SLC25A12: variants seen among roughly 807,000 people sequenced by gnomAD.
SLC25A12 encodes solute carrier family 25 member 12.
Under a neutral mutation model 83.3 loss-of-function variants are expected in SLC25A12, and 32 were observed. The ratio of observed to expected loss-of-function variants is 0.38; its 90% CI spans 0.29 to 0.52. The LOEUF is 0.52. Among genes scored for constraint, SLC25A12 ranks in the 20% least tolerant of loss-of-function variants. The pLI, the probability that SLC25A12 is intolerant of heterozygous loss-of-function variation, is 0.84. For missense variants in SLC25A12, 611 were observed against 835.6 expected, an observed-to-expected ratio of 0.73 and a Z score of 3.31; for synonymous variants, 267 against 291.1, an observed-to-expected ratio of 0.92 and a Z score of 0.84.
At chr2:171,794,212 C>T (rs1255055177) in intron 13 of SLC25A12, among the ~76,000 whole-genome samples, 1 of 152,112 alleles carries the variant, frequency 6.6e-6, no homozygotes, top group Non-Finnish European at 1.5e-5. Flanking sequence ...TTGTGGTAAG[C>T]GTTCTTGGCA....
chr2:171,874,603 A>C (rs1685526192), intron 2 of SLC25A12, among the ~76,000 whole-genome samples: 1 of 152,164 alleles, frequency 6.6e-6, no homozygotes, highest in Admixed American at 6.5e-5. Flanking sequence ...CTAATATCTG[A>C]ATTTGACCTC....
At chr2:171,819,370 A>T (rs1160685569) in intron 9 of SLC25A12, among the ~76,000 whole-genome samples, 4 of 59,516 alleles carry the variant, frequency 6.7e-5, no homozygotes, top group African/African-American at 1.9e-4. Context: ...TATTATATAT[A>T]ATATATTATA....
chr2:171,818,663 T>C (rs566149644), intron 9 of SLC25A12, among the ~76,000 whole-genome samples: 4 of 151,842 alleles, frequency 2.6e-5, no homozygotes, highest in African/African-American at 9.7e-5. Flanking sequence ...TCCCAGCTAC[T>C]TGAGAGGCTG....
chr2:171,833,183 C>A (rs112865430), intron 8 of SLC25A12, among the ~76,000 whole-genome samples: 6 of 152,242 alleles, frequency 3.9e-5, no homozygotes, highest in Admixed American at 1.3e-4. Context: ...CAAGAAGTCA[C>A]CCTATCTCCA....
chr2:171,836,139 G>A (rs377646545), intron 6 of SLC25A12, among the ~76,000 whole-genome samples: 2 of 151,800 alleles, frequency 1.3e-5, no homozygotes, highest in African/African-American at 4.8e-5. Context: ...GTTGGGGTAT[G>A]AGGTGAGGGC....
intron 15 of SLC25A12, 77 bp downstream of exon 15, chr2:171,791,374 G>C (rs535321321): frequency 1.6e-6 from 2 of 1,215,744 alleles, no homozygotes; most frequent in South Asian, 2.4e-5. Context: ...CAGAAATAAA[G>C]GGGGAAAGTA....
intron 3 of SLC25A12, among the ~76,000 whole-genome samples, chr2:171,863,082 G>T (rs781229647): frequency 3.9e-5 from 6 of 151,946 alleles, no homozygotes; most frequent in Non-Finnish European, 8.8e-5. Context: ...TTCTTTAATT[G>T]TGTAGAGATG....
chr2:171,795,066 T>G (rs1683572239), intron 13 of SLC25A12, among the ~76,000 whole-genome samples: 1 of 152,202 alleles, frequency 6.6e-6, no homozygotes, highest in South Asian at 2.1e-4. Flanking sequence ...CAATCCTGAC[T>G]CCTTAACTCC....
At chr2:171,823,935 T>C (rs1045917873) in intron 9 of SLC25A12, among the ~76,000 whole-genome samples, 2 of 75,470 alleles carry the variant, frequency 2.7e-5, no homozygotes, top group Non-Finnish European at 5.0e-5. Context: ...AGTGAGACCC[T>C]GTCTCCACAA....
chr2:171,875,773 T>A (rs2105923457), intron 2 of SLC25A12, among the ~76,000 whole-genome samples: 1 of 151,666 alleles, frequency 6.6e-6, no homozygotes, highest in Admixed American at 6.6e-5. Context: ...ATTAGCTGGG[T>A]GTGGTGGCGG....
At chr2:171,794,402 T>C (rs941140215) in intron 13 of SLC25A12, among the ~76,000 whole-genome samples, 17 of 152,124 alleles carry the variant, frequency 1.1e-4, no homozygotes, top group African/African-American at 4.1e-4. Flanking sequence ...GAAAGATAAA[T>C]TTCAGTATCA....
intron 2 of SLC25A12, among the ~76,000 whole-genome samples, chr2:171,869,209 C>T (rs1685406887): frequency 6.6e-6 from 1 of 152,146 alleles, no homozygotes; most frequent in African/African-American, 2.4e-5. Context: ...TACTGGTTAT[C>T]AGATTTCTCT....
In SLC25A12 at chr2:171,893,273, GAAAA is replaced by G; in HGVS notation, c.13-19_13-16del. On this transcript the variant is annotated splice_polypyrimidine_tract_variant and intron_variant, in intron 1 of 17. Coordinates refer to ENST00000422440, the MANE Select transcript of SLC25A12 (RefSeq NM_003705.5). ...GTTGTCTGCACCTGTAAGCAAAAAA[GAAAA>G]AAAAGCCAGTTAATGCTTCACTAGA... The G allele has an allele frequency of 6.2e-7, 1 of 1,611,982 alleles. No homozygotes were observed. Among genetic ancestry groups the G allele is most frequent in the South Asian group, 1.1e-5 (1 of 90,990 alleles).
In SLC25A12 at chr2:171,813,372, A is replaced by G; in HGVS notation, c.1138T>C (p.Leu380=). 6.2e-7 allele frequency: 1 copy of G among 1,614,054 alleles called. No homozygotes were observed. Among genetic ancestry groups the G allele is most frequent in the Non-Finnish European group, 8.5e-7 (1 of 1,179,950 alleles). Residue 380 remains leucine, a synonymous_variant, in exon 11 of 18, where the codon TTG becomes CTG. Coordinates refer to ENST00000422440, the MANE Select transcript of SLC25A12 (RefSeq NM_003705.5). The part of the protein sequence containing the change: ...KNSFDCFKKV[L]RYEGFFGLYR... ...AGTCCAAAGAAGCCCTCATAACGCA[A>G]GACTTTCTTAAAACAGTCAAAGCTG... is the stretch of plus-strand genomic sequence containing the variant.
At chr2:171,881,107 T>C (rs1685684244) in intron 2 of SLC25A12, among the ~76,000 whole-genome samples, 1 of 152,216 alleles carries the variant, frequency 6.6e-6, no homozygotes. Context: ...GCTATTATTA[T>C]TTATGTTTTT....
intron 4 of SLC25A12, chr2:171,845,864 T>C (rs1030126954): frequency 5.9e-5 from 27 of 454,554 alleles, no homozygotes; most frequent in African/African-American, 4.6e-4. Flanking sequence ...CTTCCCTAAG[T>C]AGGGACAAAT....
intron 13 of SLC25A12, among the ~76,000 whole-genome samples, chr2:171,801,640 C>T (rs1683709511): frequency 1.3e-5 from 2 of 152,224 alleles, no homozygotes; most frequent in East Asian, 3.9e-4. Flanking sequence ...ACTTCAAGTA[C>T]TCATACAGCC....
chr2:171,790,268 TAAG>T (rs1371142286), intron 15 of SLC25A12, among the ~76,000 whole-genome samples: 2 of 152,162 alleles, frequency 1.3e-5, no homozygotes, highest in Non-Finnish European at 2.9e-5. Context: ...ACAGTGAACA[TAAG>T]CCTGGCTGGT....
intron 5 of SLC25A12, among the ~76,000 whole-genome samples, chr2:171,843,556 C>A (rs571337498): frequency 5.9e-5 from 9 of 152,150 alleles, no homozygotes; most frequent in African/African-American, 2.2e-4. Context: ...TTGCTTGAAC[C>A]AAGAGGTGGA....
Sources: gnomAD v4.1 joint callset for allele counts (sites outside exome capture counted in the v4.1 genomes callset) on GRCh38, gnomAD v4.1.1 for gene constraint, MANE v1.5 for transcripts, NCBI Gene and HGNC (gene_info 2026-07-23, HGNC 2026-07-21) for gene names.